Variants in RNF150 observed in about 807,000 individuals in gnomAD.
The protein encoded by RNF150 is ring finger protein 150.
In RNF150, 24 loss-of-function variants were observed where a neutral mutation model predicts 39.3. The observed-to-expected ratio is 0.61, with a 90% CI of 0.44 to 0.86. RNF150 has a LOEUF of 0.86. Among genes scored for constraint, RNF150 ranks in the 40% least tolerant of loss-of-function variants. RNF150 has a pLI of 0.00. For synonymous variants in RNF150, 255 were observed against 227.3 expected, an observed-to-expected ratio of 1.12 and a Z score of -1.10; for missense variants, 502 against 587.8, an observed-to-expected ratio of 0.85 and a Z score of 1.51.
intron 4 of RNF150, among the ~76,000 whole-genome samples, chr4:140,930,288 G>C (rs930363436): frequency 1.5e-4 from 23 of 152,216 alleles, no homozygotes; most frequent in African/African-American, 5.3e-4. Flanking sequence ...AAGACTTCAG[G>C]CTTGCCAGAT....
intron 1 of RNF150, among the ~76,000 whole-genome samples, chr4:140,978,384 T>A (rs1733742391): frequency 6.6e-6 from 1 of 152,198 alleles, no homozygotes; most frequent in South Asian, 2.1e-4. Flanking sequence ...ATAGCCAATT[T>A]TATTTTCCTT....
chr4:141,186,187 T>A (rs915260836), intron 1 of RNF150, among the ~76,000 whole-genome samples: 1 of 152,158 alleles, frequency 6.6e-6, no homozygotes, highest in African/African-American at 2.4e-5. Context: ...GGTAGGCTAT[T>A]TATTACTGCC....
chr4:141,197,505 A>G (rs1578792664), intron 1 of RNF150, among the ~76,000 whole-genome samples: 2 of 152,338 alleles, frequency 1.3e-5, no homozygotes, highest in African/African-American at 4.8e-5. Flanking sequence ...AAGCTAAAAC[A>G]CATTTTGTAT....
chr4:141,041,755 T>C (rs1423869685), intron 1 of RNF150, among the ~76,000 whole-genome samples: 1 of 152,064 alleles, frequency 6.6e-6, no homozygotes, highest in African/African-American at 2.4e-5. Flanking sequence ...AAATGTAAAA[T>C]AAGTGAATGT....
At chr4:140,999,721 G>A (rs1041349248) in intron 1 of RNF150, among the ~76,000 whole-genome samples, 10 of 151,862 alleles carry the variant, frequency 6.6e-5, no homozygotes, top group African/African-American at 2.2e-4. Context: ...GATGACCTGA[G>A]GTCAGGAGTT....
intron 1 of RNF150, among the ~76,000 whole-genome samples, chr4:141,072,062 C>T (rs545369209): frequency 1.3e-5 from 2 of 152,244 alleles, no homozygotes; most frequent in African/African-American, 2.4e-5. Context: ...CTCAGATTTG[C>T]GTGCTAAACA....
chr4:141,093,426 C>T (rs1268341765), intron 1 of RNF150, among the ~76,000 whole-genome samples: 1 of 151,048 alleles, frequency 6.6e-6, no homozygotes, highest in Non-Finnish European at 1.5e-5. Flanking sequence ...AGCAGGGCTG[C>T]TCTGAAATAG....
chr4:140,956,648 C>T (rs1481104472), intron 2 of RNF150, among the ~76,000 whole-genome samples: 1 of 152,156 alleles, frequency 6.6e-6, no homozygotes, highest in Non-Finnish European at 1.5e-5. Context: ...TACCTGACTT[C>T]AAACTATACT....
intron 1 of RNF150, among the ~76,000 whole-genome samples, chr4:141,083,658 C>T (rs1008921591): frequency 6.6e-6 from 1 of 151,646 alleles, no homozygotes; most frequent in Non-Finnish European, 1.5e-5. Context: ...TTCTTTTTTT[C>T]CCCAAAGGCA....
chr4:140,985,535 T>C (rs945658280), intron 1 of RNF150, among the ~76,000 whole-genome samples: 1 of 152,144 alleles, frequency 6.6e-6, no homozygotes, highest in Non-Finnish European at 1.5e-5. Flanking sequence ...ACTAGCCACA[T>C]GGAAACAAAT....
chr4:140,916,187 T>C (rs1046302865), intron 5 of RNF150, among the ~76,000 whole-genome samples: 48 of 152,326 alleles, frequency 3.2e-4, no homozygotes, highest in Middle Eastern at 3.4e-3. Flanking sequence ...GGAACAAAGC[T>C]GGACGGAGAA....
At chr4:141,072,797 T>A (rs1737755768) in intron 1 of RNF150, among the ~76,000 whole-genome samples, 1 of 152,180 alleles carries the variant, frequency 6.6e-6, no homozygotes, top group Admixed American at 6.5e-5. Flanking sequence ...CAGAATAGCA[T>A]CATATTCAGT....
At chr4:140,959,783 A>T (rs1732941656) in intron 2 of RNF150, among the ~76,000 whole-genome samples, 1 of 152,076 alleles carries the variant, frequency 6.6e-6, no homozygotes, top group Non-Finnish European at 1.5e-5. Context: ...AGGAGAGAAA[A>T]ATTCCAGATA....
chr4:141,060,596 GT>G (rs1404109288), intron 1 of RNF150, among the ~76,000 whole-genome samples: 1 of 151,966 alleles, frequency 6.6e-6, no homozygotes, highest in Non-Finnish European at 1.5e-5. Flanking sequence ...GTAAACAAAG[GT>G]TTTTAATTCA....
chr4:141,034,581 GCTTAATCAT>G (rs1736072641), intron 1 of RNF150, among the ~76,000 whole-genome samples: 1 of 152,136 alleles, frequency 6.6e-6, no homozygotes, highest in African/African-American at 2.4e-5. Context: ...ACTACACTAA[GCTTAATCAT>G]TTCCTGCTTT....
chr4:141,006,525 T>C (rs1200689328), intron 1 of RNF150, among the ~76,000 whole-genome samples: 1 of 152,184 alleles, frequency 6.6e-6, no homozygotes, highest in Non-Finnish European at 1.5e-5. Context: ...AATTTAATCC[T>C]CTCAGTAAGA....
At chr4:141,191,483 A>T (rs1728109055) in intron 1 of RNF150, among the ~76,000 whole-genome samples, 1 of 152,210 alleles carries the variant, frequency 6.6e-6, no homozygotes, top group Non-Finnish European at 1.5e-5. Context: ...TCTTTGGGAT[A>T]ACACTTAGTA....
chr4:141,105,698 C>T (rs933139776), intron 1 of RNF150, among the ~76,000 whole-genome samples: 4 of 152,114 alleles, frequency 2.6e-5, no homozygotes, highest in African/African-American at 9.7e-5. Flanking sequence ...TTCTTGTATT[C>T]TTTTAGGTCA....
chr4:140,917,767 C>T (rs6857613), intron 5 of RNF150, among the ~76,000 whole-genome samples: 1 of 150,396 alleles, frequency 6.6e-6, no homozygotes, highest in African/African-American at 2.5e-5. Context: ...CACACCTATT[C>T]CAAAATTGAC....
Sources: gnomAD v4.1 joint callset for allele counts (sites outside exome capture counted in the v4.1 genomes callset) on GRCh38, gnomAD v4.1.1 for gene constraint, MANE v1.5 for transcripts, NCBI Gene and HGNC (gene_info 2026-07-23, HGNC 2026-07-21) for gene names.